IQCM: variants seen among roughly 807,000 people sequenced by gnomAD.
IQCM encodes IQ motif containing M, also known as IQ domain-containing protein M.
In IQCM, 45 loss-of-function variants were observed where a neutral mutation model predicts 57.6. That is an observed-to-expected ratio of 0.78 (90% CI 0.62 to 1.00). IQCM has a LOEUF of 1.00. IQCM is among the 50% of genes least tolerant of loss of function. IQCM has a pLI of 0.00. For synonymous variants in IQCM, 148 were observed against 158.9 expected (o/e 0.93, Z 0.51); for missense variants, 468 against 511.6 (o/e 0.91, Z 0.82).
intron 9 of IQCM, 90 bp from the exon 10 acceptor site, chr4:149,563,980 G>T: frequency 1.8e-6 from 1 of 543,678 alleles, no homozygotes; most frequent in Non-Finnish European, 2.8e-6. Flanking sequence ...TGAATACATT[G>T]AAATAGGAAA....
intron 7 of IQCM, among the ~76,000 whole-genome samples, chr4:149,662,022 T>A (rs1432514844): frequency 1.3e-5 from 2 of 152,016 alleles, no homozygotes; most frequent in African/African-American, 2.4e-5. Context: ...GTCCTTGCAG[T>A]GCATTATCAT....
chr4:149,418,380 A>G (rs1733899650), intron 13 of IQCM, among the ~76,000 whole-genome samples: 1 of 152,124 alleles, frequency 6.6e-6, no homozygotes, highest in African/African-American at 2.4e-5. Flanking sequence ...CCCTCCCAGG[A>G]CTGAACCAGG....
intron 12 of IQCM, among the ~76,000 whole-genome samples, chr4:149,439,934 C>T (rs765093019): frequency 6.3e-4 from 95 of 150,178 alleles, no homozygotes; most frequent in Non-Finnish European, 4.3e-4. Flanking sequence ...GTCAGATGCA[C>T]GAATTTCCAA....
chr4:149,456,868 G>A (rs1202392533), intron 12 of IQCM, among the ~76,000 whole-genome samples: 3 of 152,042 alleles, frequency 2.0e-5, no homozygotes, highest in South Asian at 2.1e-4. Flanking sequence ...GAAAGCCAGT[G>A]TAAAGAAAAA....
At chr4:149,400,756 GTT>G (rs1179561791) in intron 13 of IQCM, among the ~76,000 whole-genome samples, 1 of 151,824 alleles carries the variant, frequency 6.6e-6, no homozygotes, top group African/African-American at 2.4e-5. Flanking sequence ...ATATTAAAAA[GTT>G]TAACATGATA....
At chr4:149,463,231 C>T (rs902715768) in intron 12 of IQCM, among the ~76,000 whole-genome samples, 1 of 152,162 alleles carries the variant, frequency 6.6e-6, no homozygotes, top group Non-Finnish European at 1.5e-5. Flanking sequence ...TCAAACAGAG[C>T]ACTTTAAAAT....
At chr4:149,482,350 A>G (rs768786745) in intron 12 of IQCM, among the ~76,000 whole-genome samples, 9 of 151,888 alleles carry the variant, frequency 5.9e-5, no homozygotes, top group Non-Finnish European at 1.0e-4. Context: ...CATCCTTGTC[A>G]TGTTCCAGGT....
chr4:149,577,281 A>G (rs533199030), intron 9 of IQCM, among the ~76,000 whole-genome samples: 28 of 151,742 alleles, frequency 1.8e-4, no homozygotes, highest in African/African-American at 6.5e-4. Flanking sequence ...TTGCTTTTGG[A>G]GTCTTAGTCA....
chr4:149,681,542 G>T (rs77129580), intron 7 of IQCM, among the ~76,000 whole-genome samples: 1 of 151,104 alleles, frequency 6.6e-6, no homozygotes, highest in Non-Finnish European at 1.5e-5. Context: ...ATATGCAAAA[G>T]TGCCTTGAGA....
chr4:149,652,468 G>GA lies in IQCM; in HGVS notation c.565+29649dup, dbSNP rs201870864. Among the ~76,000 whole-genome samples, 1,347 of 151,284 alleles carry GA rather than the reference G, an allele frequency of 8.9e-3. 16 individuals are homozygous for GA. The highest frequency in any genetic ancestry group is 0.03 in the African/African-American group (1,254 of 41,286). Reference sequence around the variant, plus strand: ...CCCAGAACTTAAAGTAAAATTAAAAGAAAAAAAACAAACCATAGCATAAAA... The same window carrying GA: ...CCCAGAACTTAAAGTAAAATTAAAAGAAAAAAAAACAAACCATAGCATAAAA... On this transcript the variant is annotated intron_variant, in intron 7 of 13. Transcript: ENST00000636793.
At chr4:149,378,437 G>GGCTGAGAT (rs1373084382) in intron 13 of IQCM, among the ~76,000 whole-genome samples, 1 of 152,248 alleles carries the variant, frequency 6.6e-6, no homozygotes, top group East Asian at 1.9e-4. Flanking sequence ...ATGAAATCTA[G>GGCTGAGAT]GCTGAGATGC....
chr4:149,715,765 T>C (rs1764937410), intron 5 of IQCM, among the ~76,000 whole-genome samples: 3 of 152,190 alleles, frequency 2.0e-5, no homozygotes, highest in Admixed American at 2.0e-4. Context: ...AGCTTCTTTC[T>C]GCAGGCAGGT....
intron 13 of IQCM, among the ~76,000 whole-genome samples, chr4:149,387,880 G>T (rs1024028310): frequency 6.6e-5 from 10 of 151,964 alleles, no homozygotes; most frequent in Middle Eastern, 3.4e-3. Flanking sequence ...CTGATAATCT[G>T]ATTTTTGTCT....
At chr4:149,677,725 C>T (rs557980565) in intron 7 of IQCM, among the ~76,000 whole-genome samples, 3 of 151,992 alleles carry the variant, frequency 2.0e-5, no homozygotes, top group East Asian at 3.9e-4. Flanking sequence ...AATTGGTGAG[C>T]TCTTCGACCA....
At chr4:149,582,797 T>C (rs2149989548) in intron 9 of IQCM, among the ~76,000 whole-genome samples, 1 of 151,760 alleles carries the variant, frequency 6.6e-6, no homozygotes, top group South Asian at 2.1e-4. Flanking sequence ...AGATGTCTAA[T>C]GATAAGCAGG....
intron 8 of IQCM, among the ~76,000 whole-genome samples, chr4:149,620,402 G>A (rs1302240276): frequency 6.6e-6 from 1 of 152,100 alleles, no homozygotes; most frequent in Non-Finnish European, 1.5e-5. Context: ...GATATGAAAA[G>A]AGAGAAAAAG....
At chr4:149,611,990 T>C (rs1438737515) in intron 8 of IQCM, among the ~76,000 whole-genome samples, 2 of 151,410 alleles carry the variant, frequency 1.3e-5, no homozygotes, top group Non-Finnish European at 2.9e-5. Context: ...AGAAAAGAGG[T>C]TTAATTGACT....
At chr4:149,499,766 T>C (rs1180929045) in intron 12 of IQCM, among the ~76,000 whole-genome samples, 1 of 152,192 alleles carries the variant, frequency 6.6e-6, no homozygotes, top group Non-Finnish European at 1.5e-5. Context: ...TCAAGATGTC[T>C]ACACAATCCC....
chr4:149,656,783 A>G (rs1759675738), intron 7 of IQCM, among the ~76,000 whole-genome samples: 2 of 152,126 alleles, frequency 1.3e-5, no homozygotes, highest in Admixed American at 6.6e-5. Context: ...AAGCCTTGAG[A>G]GAAAATGAAC....
Sources: gnomAD v4.1 joint callset for allele counts (sites outside exome capture counted in the v4.1 genomes callset) on GRCh38, gnomAD v4.1.1 for gene constraint, MANE v1.5 for transcripts, NCBI Gene and HGNC (gene_info 2026-07-23, HGNC 2026-07-21) for gene names.